The following RP1 variants were observed in gnomAD, a reference collection of about 807,000 sequenced individuals.
RP1 encodes the protein RP1 axonemal microtubule associated.
In RP1, 16 loss-of-function variants were observed where a neutral mutation model predicts 14.8. The ratio of observed to expected loss-of-function variants is 1.08; its 90% confidence interval spans 0.73 to 1.65. The LOEUF (loss-of-function observed/expected upper bound fraction) is 1.65. RP1 is among the 40% of genes most tolerant of loss of function. The probability of loss-of-function intolerance (pLI) is 0.00; values close to 1 mark genes in which losing one functional copy is unlikely to be tolerated. For synonymous variants in RP1, 876 were observed against 883.6 expected, an observed-to-expected ratio of 0.99 and a Z score of 0.15; for missense variants, 2,631 against 2,535.0, an observed-to-expected ratio of 1.04 and a Z score of -0.81.
At chr8:54,768,617 CA>C (rs1563370748) in intron 22 of RP1, among the ~76,000 whole-genome samples, 1 of 152,002 alleles carries the variant, frequency 6.6e-6, no homozygotes, top group Non-Finnish European at 1.5e-5. Context: ...TGTAATACTA[CA>C]AAAAAATGCT....
At chr8:54,714,556 C>T (rs1244815728) in intron 15 of RP1, among the ~76,000 whole-genome samples, 3 of 152,162 alleles carry the variant, frequency 2.0e-5, no homozygotes, top group Non-Finnish European at 4.4e-5. Flanking sequence ...GCTTCAGCTC[C>T]CTATGATTTC....
exon 18 of RP1, chr8:54,734,735 T>C: frequency 6.5e-7 from 1 of 1,531,524 alleles, no homozygotes; most frequent in Non-Finnish European, 8.7e-7. Context: ...GACACGAGGA[T>C]GAGTTTCAGG....
chr8:54,682,197 C>T (rs531975135), intron 12 of RP1, among the ~76,000 whole-genome samples: 33 of 152,158 alleles, frequency 2.2e-4, no homozygotes, highest in African/African-American at 7.7e-4. Context: ...GCAACCTCAC[C>T]AGCATCTGTT....
At chr8:54,687,867 G>T (rs1249126760) in intron 12 of RP1, among the ~76,000 whole-genome samples, 1 of 152,162 alleles carries the variant, frequency 6.6e-6, no homozygotes. Flanking sequence ...TCTGGTTCTA[G>T]ATCCTTGAGG....
intron 13 of RP1, among the ~76,000 whole-genome samples, chr8:54,699,897 T>G (rs995406706): frequency 6.6e-6 from 1 of 152,308 alleles, no homozygotes; most frequent in Middle Eastern, 3.4e-3. Context: ...TTATACCTTG[T>G]GTTGCTTAGT....
intron 5 of RP1, among the ~76,000 whole-genome samples, chr8:54,654,639 C>T (rs1174971316): frequency 6.6e-6 from 1 of 152,156 alleles, no homozygotes; most frequent in African/African-American, 2.4e-5. Flanking sequence ...GGATCAGGTA[C>T]TGAAAATCTG....
At chr8:54,583,503 T>C (rs1804846970) in intron 1 of RP1, among the ~76,000 whole-genome samples, 1 of 152,216 alleles carries the variant, frequency 6.6e-6, no homozygotes, top group Admixed American at 6.5e-5. Flanking sequence ...ATCAGGATGA[T>C]GCTGGCCTCA....
chr8:54,618,252 T>C (rs902010540), intron 1 of RP1, among the ~76,000 whole-genome samples: 12 of 152,190 alleles, frequency 7.9e-5, no homozygotes, highest in Non-Finnish European at 1.6e-4. Flanking sequence ...TCAAAACCAA[T>C]GCTCAGGGCT....
chr8:54,782,931 T>C (rs1397806237), intron 23 of RP1, among the ~76,000 whole-genome samples: 1 of 152,100 alleles, frequency 6.6e-6, no homozygotes, highest in African/African-American at 2.4e-5. Flanking sequence ...ACGTGTCTTT[T>C]CTTCATCCTC....
At chr8:54,791,848 G>A (rs777319894) in intron 24 of RP1, among the ~76,000 whole-genome samples, 13 of 151,930 alleles carry the variant, frequency 8.6e-5, no homozygotes, top group Non-Finnish European at 1.2e-4. Context: ...GCAAAGATAC[G>A]TTTTTAATTA....
In RP1 at chr8:54,783,513, A is replaced by G. The variant is rs150117178; in HGVS notation, c.3452-34A>G. 314 of 1,141,504 alleles carry G rather than the reference A, an allele frequency of 2.8e-4. No individual in the cohort carries two copies. In the African/African-American group the frequency reaches 4.6e-3, roughly 17 times the overall value. 70.7% of individuals were successfully genotyped at this position (1,141,504 alleles called of 1,614,324 possible). A position where few individuals can be genotyped will look rare whatever the true frequency, so the allele number is the denominator to read the frequency against. On this transcript the variant is annotated intron_variant, in intron 23 of 28. Coordinates refer to the RP1 transcript ENST00000637698. ...CCTAATATTAATGTGTTTTTCCCCT[A>G]TACTTTTATATTGATCTCCTTTTTC...
intron 1 of RP1, among the ~76,000 whole-genome samples, chr8:54,566,545 T>G (rs1333590763): frequency 1.3e-5 from 2 of 152,128 alleles, no homozygotes; most frequent in Non-Finnish European, 2.9e-5. Context: ...GCTAGAGGAA[T>G]GGGCCAGGCA....
intron 1 of RP1, among the ~76,000 whole-genome samples, chr8:54,587,826 C>T (rs1563319440): frequency 6.6e-6 from 1 of 152,142 alleles, no homozygotes. Context: ...CTATTTCTTT[C>T]AGTATTTTAT....
chr8:54,738,425 C>T (rs531941448), intron 18 of RP1, among the ~76,000 whole-genome samples: 30 of 152,142 alleles, frequency 2.0e-4, no homozygotes, highest in Non-Finnish European at 4.4e-4. Context: ...GGCAGGTTTG[C>T]TTCTCTTCCT....
rs1465797388 is a variant in RP1 at position 54,628,826 on chromosome 8, T to C, written c.4944T>C (p.Pro1648=). 1 of 1,614,132 alleles carries C rather than the reference T, an allele frequency of 6.2e-7. No individual in the cohort carries two copies. Among genetic ancestry groups the C allele is most frequent in the Admixed American group, 1.7e-5 (1 of 60,022 alleles). ...KADIIKPSFF[P]GSTRKSQVCP... The stretch of plus-strand genomic sequence containing the variant: ...ATATTATCAAACCATCTTTTTTTCC[T>C]GGGTCTACCCGCAAATCTCAGGTTT... The change falls in exon 4 of 4, where the codon CCT becomes CCC. Residue 1648 remains proline, a synonymous_variant. Coordinates refer to ENST00000220676, the MANE Select transcript of RP1 (RefSeq NM_006269.2).
chr8:54,648,925 T>C (rs565003987), intron 3 of RP1: 10 of 1,290,938 alleles, frequency 7.7e-6, no homozygotes, highest in African/African-American at 3.0e-5. Context: ...TGACCTGCTG[T>C]TCTGAGTCTT....
intron 1 of RP1, among the ~76,000 whole-genome samples, chr8:54,563,992 T>G (rs1804345834): frequency 6.6e-6 from 1 of 152,192 alleles, no homozygotes; most frequent in African/African-American, 2.4e-5. Flanking sequence ...AGTAAACTCA[T>G]CCCAGGAGCT....
chr8:54,601,251 A>G (rs557379172), intron 1 of RP1, among the ~76,000 whole-genome samples: 1 of 152,356 alleles, frequency 6.6e-6, no homozygotes, highest in South Asian at 2.1e-4. Flanking sequence ...AATGCTAAAT[A>G]AAAAGAAAAC....
intron 15 of RP1, among the ~76,000 whole-genome samples, chr8:54,710,687 G>A (rs975606331): frequency 2.0e-5 from 3 of 152,192 alleles, no homozygotes; most frequent in Admixed American, 2.0e-4. Flanking sequence ...AAAAGGATGG[G>A]AAGGGCAGGT....
Sources: allele counts gnomAD v4.1 joint callset (sites outside exome capture counted in the v4.1 genomes callset), GRCh38; gene constraint gnomAD v4.1.1; transcripts MANE v1.5; gene names NCBI Gene and HGNC (gene_info 2026-07-23, HGNC 2026-07-21).